Variants in MYO5B observed in about 807,000 individuals in gnomAD.
MYO5B encodes the protein myosin VB, also known as unconventional myosin-Vb.
MYO5B carries 143 observed loss-of-function variants against 229.3 expected under a neutral mutation model. That is an observed-to-expected ratio of 0.62 (90% CI 0.54 to 0.72). MYO5B has a LOEUF of 0.72. MYO5B is among the 30% of genes least tolerant of loss of function. MYO5B has a pLI of 0.00. For synonymous variants in MYO5B, 918 were observed against 885.2 expected, an observed-to-expected ratio of 1.04 and a Z score of -0.66; for missense variants, 2,321 against 2,331.0, an observed-to-expected ratio of 1.00 and a Z score of 0.09.
chr18:49,959,463 A>C (rs1228089501), intron 12 of MYO5B, among the ~76,000 whole-genome samples: 4 of 152,216 alleles, frequency 2.6e-5, no homozygotes, highest in Admixed American at 1.3e-4. Context: ...CTGAATACAG[A>C]GTAAATCCTC....
chr18:50,104,290 A>C (rs149909488), intron 1 of MYO5B, among the ~76,000 whole-genome samples: 78 of 145,174 alleles, frequency 5.4e-4, no homozygotes, highest in African/African-American at 1.6e-3. Context: ...ATATATATAT[A>C]TCTCATAAAT....
At chr18:50,102,977 TC>T (rs1306922691) in intron 1 of MYO5B, among the ~76,000 whole-genome samples, 1 of 151,604 alleles carries the variant, frequency 6.6e-6, no homozygotes, top group African/African-American at 2.4e-5. Context: ...GAGTAGCAAA[TC>T]CAACAGATTG....
intron 21 of MYO5B, among the ~76,000 whole-genome samples, chr18:49,896,871 A>G (rs572319740): frequency 6.6e-6 from 1 of 152,278 alleles, no homozygotes; most frequent in South Asian, 2.1e-4. Context: ...AGCTGTGTAC[A>G]TCCAACCTAA....
chr18:50,014,553 A>T (rs1050936277), intron 4 of MYO5B, among the ~76,000 whole-genome samples: 1 of 152,184 alleles, frequency 6.6e-6, no homozygotes, highest in Non-Finnish European at 1.5e-5. Context: ...ACATTAGTTC[A>T]CTGTAATGCG....
chr18:50,034,062 G>C (rs2026421019), intron 4 of MYO5B, among the ~76,000 whole-genome samples: 1 of 152,212 alleles, frequency 6.6e-6, no homozygotes, highest in African/African-American at 2.4e-5. Context: ...GAATCACTGA[G>C]TCCAAGGCCA....
chr18:50,135,631 A>G (rs1463364438), intron 1 of MYO5B, among the ~76,000 whole-genome samples: 1 of 152,234 alleles, frequency 6.6e-6, no homozygotes, highest in Non-Finnish European at 1.5e-5. Flanking sequence ...TATGTATTTA[A>G]ATGGCTAATT....
intron 4 of MYO5B, among the ~76,000 whole-genome samples, chr18:50,020,499 G>C (rs1568073717): frequency 1.3e-5 from 2 of 152,152 alleles, no homozygotes; most frequent in African/African-American, 4.8e-5. Context: ...ATCTAATAGT[G>C]ACCCCCTTTC....
intron 1 of MYO5B, among the ~76,000 whole-genome samples, chr18:50,143,053 T>C (rs2144289508): frequency 6.6e-6 from 1 of 152,364 alleles, no homozygotes; most frequent in East Asian, 1.9e-4. Flanking sequence ...GGGAATGTGG[T>C]AATTACATTG....
Position 50,126,043 on chromosome 18 carries a change from A to G in MYO5B, c.27+68724T>C, listed in dbSNP as rs77192641. On this transcript the variant is annotated intron_variant, in intron 1 of 39. Coordinates refer to ENST00000285039, the MANE Select transcript of MYO5B (RefSeq NM_001080467.3). Reference sequence around the variant, plus strand: ...GGGTGCAGAGATTCTGTTTAGGATAATGAAAAAGTTCTTGGATGGTGGTCG... The same window carrying G: ...GGGTGCAGAGATTCTGTTTAGGATAGTGAAAAAGTTCTTGGATGGTGGTCG... 7.9e-3 allele frequency among the ~76,000 whole-genome samples: 1,201 copies of G among 152,320 alleles called. 16 individuals are homozygous for G. Among genetic ancestry groups the G allele is most frequent in the African/African-American group, 0.027 (1,138 of 41,578 alleles).
intron 1 of MYO5B, among the ~76,000 whole-genome samples, chr18:50,084,632 C>G (rs957278457): frequency 6.6e-6 from 1 of 152,174 alleles, no homozygotes; most frequent in African/African-American, 2.4e-5. Flanking sequence ...AAGAACAAAG[C>G]CAGAGGCATC....
At chr18:49,892,585 G>A (rs2024728124) in intron 22 of MYO5B, among the ~76,000 whole-genome samples, 1 of 152,202 alleles carries the variant, frequency 6.6e-6, no homozygotes, top group Non-Finnish European at 1.5e-5. Context: ...CCCTGCTCAA[G>A]CCTTGGAGGA....
In MYO5B at chr18:49,936,260, G is replaced by T; in HGVS notation, c.1995C>A (p.Leu665=). ...VRCIKPNDEK[L]PFHFDPKRAV... Reference sequence around the variant, plus strand: ...GCCCAGCAGGCACTTACTGAAAGGGGAGCTTCTCATCGTTGGGCTTGATGC... The same window carrying T: ...GCCCAGCAGGCACTTACTGAAAGGGTAGCTTCTCATCGTTGGGCTTGATGC... The change falls in exon 16 of 40, where the codon CTC becomes CTA. Residue 665 remains leucine (L), a synonymous_variant. Coordinates refer to ENST00000285039, the MANE Select transcript of MYO5B (RefSeq NM_001080467.3). 1 of 1,594,512 alleles carries T rather than the reference G, an allele frequency of 6.3e-7. No individual in the cohort carries two copies. The highest frequency in any genetic ancestry group is 8.6e-7 in the Non-Finnish European group (1 of 1,169,436).
intron 39 of MYO5B, 51 bp from the exon 40 acceptor site, chr18:49,826,674 C>T: frequency 1.2e-6 from 2 of 1,602,742 alleles, no homozygotes; most frequent in Non-Finnish European, 1.7e-6. Flanking sequence ...TAAAAATAGC[C>T]AGTTTAAGTG....
chr18:50,102,179 C>T (rs1314812312), intron 1 of MYO5B, among the ~76,000 whole-genome samples: 2 of 152,048 alleles, frequency 1.3e-5, no homozygotes, highest in African/African-American at 4.8e-5. Context: ...TATTCTCACT[C>T]ATAAGTGGGG....
At chr18:50,063,291 TC>T (rs2030735241) in intron 1 of MYO5B, among the ~76,000 whole-genome samples, 2 of 152,126 alleles carry the variant, frequency 1.3e-5, no homozygotes, top group Admixed American at 1.3e-4. Context: ...TCTTCCCCTT[TC>T]CCCAAATGCT....
intron 1 of MYO5B, among the ~76,000 whole-genome samples, chr18:50,060,642 C>G (rs1371195766): frequency 6.6e-6 from 1 of 152,194 alleles, no homozygotes; most frequent in Admixed American, 6.5e-5. Flanking sequence ...ATGCCTACAT[C>G]AAATGTAAAT....
At chr18:50,068,042 T>TACAC (rs1159230770) in intron 1 of MYO5B, among the ~76,000 whole-genome samples, 1 of 82,540 alleles carries the variant, frequency 1.2e-5, no homozygotes, top group Admixed American at 1.7e-4. Context: ...TATACACACA[T>TACAC]ATACACACAC....
chr18:50,146,903 C>A (rs2032512357), intron 1 of MYO5B, among the ~76,000 whole-genome samples: 1 of 152,150 alleles, frequency 6.6e-6, no homozygotes, highest in African/African-American at 2.4e-5. Context: ...AGAGAAAGGG[C>A]AGGCTTTTCG....
At chr18:49,908,170 T>C (rs1050620938) in intron 18 of MYO5B, among the ~76,000 whole-genome samples, 1 of 152,192 alleles carries the variant, frequency 6.6e-6, no homozygotes, top group Non-Finnish European at 1.5e-5. Flanking sequence ...CAGGAAGGGA[T>C]GATATGCTCT....
Sources: allele counts gnomAD v4.1 joint callset (sites outside exome capture counted in the v4.1 genomes callset), GRCh38; gene constraint gnomAD v4.1.1; transcripts MANE v1.5; gene names NCBI Gene and HGNC (gene_info 2026-07-23, HGNC 2026-07-21).